FHIT: variants seen among roughly 807,000 people sequenced by gnomAD.
FHIT encodes the protein fragile histidine triad diadenosine triphosphatase.
FHIT carries 19 observed loss-of-function variants against 17.9 expected under a neutral mutation model. The observed-to-expected ratio is 1.06, with a 90% CI of 0.74 to 1.56. The LOEUF (loss-of-function observed/expected upper bound fraction) is 1.56, where lower values mean the gene tolerates loss of function less well. Ranked by LOEUF, FHIT falls within the 40% of genes most tolerant of loss-of-function variation. The pLI, the probability that FHIT is intolerant of heterozygous loss-of-function variation, is 0.00. For missense variants in FHIT, 248 were observed against 189.2 expected (o/e 1.31, Z -1.82); for synonymous variants, 81 against 69.7 (o/e 1.16, Z -0.81).
chr3:60,759,578 C>G (rs1248108705), intron 4 of FHIT, among the ~76,000 whole-genome samples: 3 of 151,998 alleles, frequency 2.0e-5, no homozygotes, highest in African/African-American at 7.3e-5. Flanking sequence ...GGATGATGAC[C>G]AGCAAGGAGA....
At chr3:60,195,415 C>T (rs142664124) in intron 5 of FHIT, among the ~76,000 whole-genome samples, 10 of 151,164 alleles carry the variant, frequency 6.6e-5, no homozygotes, top group African/African-American at 9.7e-5. Context: ...GGGTTTCTAC[C>T]GAAAGGAAAG....
At chr3:60,162,716 G>C (rs1700994065) in intron 5 of FHIT, among the ~76,000 whole-genome samples, 1 of 152,100 alleles carries the variant, frequency 6.6e-6, no homozygotes, top group African/African-American at 2.4e-5. Flanking sequence ...AGTTAAAATT[G>C]GAACCCATGA....
chr3:60,504,174 G>A (rs369630732), intron 5 of FHIT, among the ~76,000 whole-genome samples: 15 of 152,172 alleles, frequency 9.9e-5, no homozygotes, highest in African/African-American at 3.4e-4. Flanking sequence ...CGTGCCTCAC[G>A]CCTGTAATCC....
intron 5 of FHIT, among the ~76,000 whole-genome samples, chr3:60,289,484 C>G (rs1707880739): frequency 6.6e-6 from 1 of 152,100 alleles, no homozygotes; most frequent in African/African-American, 2.4e-5. Flanking sequence ...AGGAATTATT[C>G]ACCACATTAT....
intron 5 of FHIT, among the ~76,000 whole-genome samples, chr3:60,311,553 G>T (rs1708948682): frequency 6.6e-6 from 1 of 152,118 alleles, no homozygotes; most frequent in African/African-American, 2.4e-5. Context: ...AAAGAATCTA[G>T]CTCATTATAT....
rs1381091984 is a variant in FHIT at position 60,014,109 on chromosome 3, G to A, written c.147C>T (p.Asp49=). Residue 49 remains aspartate, a synonymous_variant, in exon 6 of 10, where the codon GAC becomes GAT. Coordinates refer to ENST00000492590, the MANE Select transcript of FHIT (RefSeq NM_002012.4). The part of the protein sequence containing the change: ...CPLRPVERFH[D]LRPDEVADLF... ...AATCGGCCACTTCATCAGGACGCAG[G>A]TCATGGAAGCGCTCCACTGGCCGCA... is the stretch of plus-strand genomic sequence containing the variant. The A allele has an allele frequency of 7.4e-6, 12 of 1,613,960 alleles. No individual in the cohort carries two copies. The Admixed American group carries it at 2.0e-4, about 27-fold the overall frequency.
At chr3:60,859,128 AG>A (rs1703508929) in intron 3 of FHIT, among the ~76,000 whole-genome samples, 1 of 152,186 alleles carries the variant, frequency 6.6e-6, no homozygotes, top group Non-Finnish European at 1.5e-5. Flanking sequence ...ATAAAAATAA[AG>A]CCCCACTAAG....
At chr3:60,994,310 G>A (rs545212698) in intron 3 of FHIT, among the ~76,000 whole-genome samples, 6 of 152,198 alleles carry the variant, frequency 3.9e-5, no homozygotes, top group Admixed American at 3.3e-4. Flanking sequence ...TAACAGTTAC[G>A]CATGTCTTAA....
At chr3:60,332,525 C>T (rs1710033634) in intron 5 of FHIT, among the ~76,000 whole-genome samples, 1 of 152,146 alleles carries the variant, frequency 6.6e-6, no homozygotes, top group South Asian at 2.1e-4. Context: ...CATTCTTTTC[C>T]CCAGAGGGCT....
intron 4 of FHIT, among the ~76,000 whole-genome samples, chr3:60,811,956 C>A (rs1411338637): frequency 6.6e-6 from 1 of 152,046 alleles, no homozygotes; most frequent in African/African-American, 2.4e-5. Flanking sequence ...TGTAGTTCTA[C>A]TAATTACAAG....
At chr3:60,945,761 C>T (rs1708611721) in intron 3 of FHIT, among the ~76,000 whole-genome samples, 1 of 152,126 alleles carries the variant, frequency 6.6e-6, no homozygotes, top group Non-Finnish European at 1.5e-5. Flanking sequence ...AAGGTAGTTT[C>T]TTCTGATTGT....
chr3:61,048,918 T>C (rs2033918563), intron 2 of FHIT, among the ~76,000 whole-genome samples: 1 of 151,914 alleles, frequency 6.6e-6, no homozygotes. Context: ...AGGTAGGAAT[T>C]GAACAATGTG....
At chr3:60,095,103 T>C (rs538818664) in intron 5 of FHIT, among the ~76,000 whole-genome samples, 2 of 152,254 alleles carry the variant, frequency 1.3e-5, no homozygotes, top group African/African-American at 2.4e-5. Flanking sequence ...TGGGCAATTA[T>C]GAAGCAGGAA....
chr3:60,437,614 A>C (rs2030390729), intron 5 of FHIT, among the ~76,000 whole-genome samples: 1 of 152,010 alleles, frequency 6.6e-6, no homozygotes, highest in African/African-American at 2.4e-5. Context: ...CTTTTTAATA[A>C]TCATTATATA....
chr3:60,347,703 T>G (rs1414849795), intron 5 of FHIT, among the ~76,000 whole-genome samples: 1 of 151,722 alleles, frequency 6.6e-6, no homozygotes, highest in Non-Finnish European at 1.5e-5. Context: ...GTTTTTTGTT[T>G]TGTTTTGTTT....
intron 8 of FHIT, among the ~76,000 whole-genome samples, chr3:59,824,565 T>C (rs917193635): frequency 3.3e-5 from 5 of 152,224 alleles, no homozygotes; most frequent in African/African-American, 1.2e-4. Context: ...GTAGCAAAAC[T>C]TATATTAAAT....
Position 61,007,719 on chromosome 3 carries a change from T to C in FHIT, c.-111+34328A>G, listed in dbSNP as rs192248557. Among the ~76,000 whole-genome samples the C allele has an allele frequency of 2.7e-4, 41 of 152,332 alleles. 1 individual carries two copies. The highest frequency in any genetic ancestry group is 2.7e-3 in the Admixed American group (41 of 15,302). On this transcript the variant is annotated intron_variant, in intron 3 of 9. Transcript: ENST00000492590. Reference sequence around the variant, plus strand: ...TTCCCTACACTTCAGAAGCTGTTGATGTTCCACTCAGATCTCTGTAGGATC... The same window carrying C: ...TTCCCTACACTTCAGAAGCTGTTGACGTTCCACTCAGATCTCTGTAGGATC...
intron 4 of FHIT, among the ~76,000 whole-genome samples, chr3:60,605,720 A>G (rs1553670938): frequency 6.6e-6 from 1 of 152,184 alleles, no homozygotes; most frequent in African/African-American, 2.4e-5. Context: ...ATTTTCTGCT[A>G]GAGGTACGGA....
chr3:60,120,712 A>C (rs1236336841), intron 5 of FHIT, among the ~76,000 whole-genome samples: 1 of 152,202 alleles, frequency 6.6e-6, no homozygotes, highest in East Asian at 1.9e-4. Flanking sequence ...CAAGTTTTGG[A>C]AACTAGCAAG....
Sources: allele counts gnomAD v4.1 joint callset (sites outside exome capture counted in the v4.1 genomes callset), GRCh38; gene constraint gnomAD v4.1.1; transcripts MANE v1.5; gene names NCBI Gene and HGNC (gene_info 2026-07-23, HGNC 2026-07-21).